CALCRL: variants seen among roughly 807,000 people sequenced by gnomAD.
CALCRL encodes calcitonin receptor like receptor.
Under a neutral mutation model 60.4 loss-of-function variants are expected in CALCRL, and 27 were observed. The observed-to-expected ratio is 0.45, with a 90% CI of 0.33 to 0.62. The LOEUF (loss-of-function observed/expected upper bound fraction) is 0.62, where lower values mean the gene tolerates loss of function less well. Ranked by LOEUF, CALCRL falls within the 20% of genes least tolerant of loss-of-function variation. CALCRL has a pLI of 0.03. For missense variants in CALCRL, 424 were observed against 540.7 expected, an observed-to-expected ratio of 0.78 and a Z score of 2.14; for synonymous variants, 190 against 182.6, an observed-to-expected ratio of 1.04 and a Z score of -0.33.
intron 8 of CALCRL, among the ~76,000 whole-genome samples, chr2:187,373,844 T>G (rs1687633357): frequency 6.6e-6 from 1 of 152,172 alleles, no homozygotes; most frequent in Admixed American, 6.5e-5. Context: ...AAGTGGAATT[T>G]GAGACCAATA....
intron 14 of CALCRL, among the ~76,000 whole-genome samples, chr2:187,346,784 GA>G (rs1686294825): frequency 1.3e-5 from 2 of 151,684 alleles, no homozygotes; most frequent in Non-Finnish European, 2.9e-5. Flanking sequence ...GACAATTCGT[GA>G]CAGGATAAGC....
intron 14 of CALCRL, among the ~76,000 whole-genome samples, chr2:187,346,727 G>A (rs1296756738): frequency 1.3e-5 from 2 of 151,784 alleles, no homozygotes; most frequent in African/African-American, 4.8e-5. Flanking sequence ...AAGATTTCAT[G>A]TGCAACATTG....
chr2:187,387,214 C>A (rs1688243388), intron 3 of CALCRL, 115 bp downstream of exon 3: 1 of 152,096 alleles, frequency 6.6e-6, no homozygotes, highest in African/African-American at 2.4e-5. Flanking sequence ...ATTATAAAAA[C>A]CTTTTTACGT....
At chr2:187,415,268 C>A (rs1453475061) in intron 1 of CALCRL, among the ~76,000 whole-genome samples, 1 of 152,130 alleles carries the variant, frequency 6.6e-6, no homozygotes, top group Non-Finnish European at 1.5e-5. Flanking sequence ...TGCTTATATG[C>A]CTGCTTTTGA....
intron 1 of CALCRL, among the ~76,000 whole-genome samples, chr2:187,418,576 G>C (rs1326245210): frequency 6.6e-6 from 1 of 152,034 alleles, no homozygotes; most frequent in Non-Finnish European, 1.5e-5. Context: ...ATAGGTCAAG[G>C]TTTATTCATT....
chr2:187,410,910 G>A (rs1175207702), intron 1 of CALCRL, among the ~76,000 whole-genome samples: 6 of 151,958 alleles, frequency 3.9e-5, no homozygotes, highest in African/African-American at 1.2e-4. Flanking sequence ...GGAGAGGTAG[G>A]TGGGGCCACA....
intron 1 of CALCRL, among the ~76,000 whole-genome samples, chr2:187,430,563 A>T (rs1690356732): frequency 6.6e-6 from 1 of 152,202 alleles, no homozygotes; most frequent in African/African-American, 2.4e-5. Context: ...AACATAAATA[A>T]CAAGACAAAC....
chr2:187,382,299 CA>C (rs1272581948), intron 5 of CALCRL, among the ~76,000 whole-genome samples: 4 of 152,042 alleles, frequency 2.6e-5, no homozygotes, highest in Non-Finnish European at 4.4e-5. Flanking sequence ...TTTAAAATTA[CA>C]AAGTACATTA....
Position 187,366,219 on chromosome 2 carries a change from C to T in CALCRL, c.501-2717G>A, listed in dbSNP as rs547034592. Among the ~76,000 whole-genome samples the T allele has an allele frequency of 2.4e-4, 31 of 131,760 alleles. No individual in the cohort carries two copies. In the South Asian group the frequency reaches 5.7e-3, roughly 24 times the overall value. 86.4% of individuals were successfully genotyped at this position (131,760 alleles called of 152,430 possible). On this transcript the variant is annotated intron_variant, in intron 8 of 14. Coordinates refer to ENST00000392370, the MANE Select transcript of CALCRL (RefSeq NM_005795.6). Reference sequence around the variant, plus strand: ...GATTGCGCCACTGCAGTCCGCAGTCCGGCCTGGGCGACAGAGCGAGACTCC... The same window carrying T: ...GATTGCGCCACTGCAGTCCGCAGTCTGGCCTGGGCGACAGAGCGAGACTCC...
Position 187,408,888 on chromosome 2 carries a change from C to T in CALCRL, c.-292-21132G>A, listed in dbSNP as rs548332443. On this transcript the variant is annotated intron_variant, in intron 1 of 14. Coordinates refer to ENST00000392370, the MANE Select transcript of CALCRL (RefSeq NM_005795.6). The stretch of plus-strand genomic sequence containing the variant: ...TCCTTTTCTCTGTGCTTTCTATAGT[C>T]ACATTGTGCTGTATAATATTTTATA... Among the ~76,000 whole-genome samples, 11 of 152,004 alleles carry T rather than the reference C, an allele frequency of 7.2e-5. No homozygotes were observed. In the South Asian group the frequency reaches 2.1e-3, roughly 29 times the overall value.
chr2:187,434,894 A>C (rs957308963), intron 1 of CALCRL, among the ~76,000 whole-genome samples: 2 of 152,174 alleles, frequency 1.3e-5, no homozygotes, highest in Non-Finnish European at 2.9e-5. Context: ...AGTAAAAATA[A>C]AAGCAGAAAA....
intron 1 of CALCRL, among the ~76,000 whole-genome samples, chr2:187,427,342 G>A (rs1304446507): frequency 6.6e-6 from 1 of 152,078 alleles, no homozygotes; most frequent in African/African-American, 2.4e-5. Context: ...AGGGAAAAGT[G>A]TAACACAAAG....
At chr2:187,390,710 CCCT>C (rs1054082666) in intron 1 of CALCRL, among the ~76,000 whole-genome samples, 2 of 152,086 alleles carry the variant, frequency 1.3e-5, no homozygotes, top group African/African-American at 4.8e-5. Flanking sequence ...TTACCCTATT[CCCT>C]AATGATCTGA....
At chr2:187,416,985 G>A (rs1210480496) in intron 1 of CALCRL, among the ~76,000 whole-genome samples, 1 of 151,982 alleles carries the variant, frequency 6.6e-6, no homozygotes, top group Non-Finnish European at 1.5e-5. Context: ...GAGTAACCCT[G>A]ACTATATATT....
Position 187,344,619 on chromosome 2 carries a change from T to C in CALCRL, c.*1565A>G, listed in dbSNP as rs1368571157. On this transcript the variant is annotated 3_prime_UTR_variant, in exon 15 of 15. Coordinates refer to ENST00000392370, the MANE Select transcript of CALCRL (RefSeq NM_005795.6). ...TTTATTTAATAAAGTCTGACAATAA[T>C]TCAGTAAGATCTGACAATAATTTTT... is the stretch of plus-strand genomic sequence containing the variant. 6.6e-6 allele frequency: 1 copy of C among 151,678 alleles called. No homozygotes were observed. Among genetic ancestry groups the C allele is most frequent in the African/African-American group, 2.4e-5 (1 of 41,414 alleles). 9.4% of individuals were successfully genotyped at this position (151,678 alleles called of 1,614,324 possible).
At chr2:187,414,759 A>T (rs934218610) in intron 1 of CALCRL, among the ~76,000 whole-genome samples, 1 of 152,132 alleles carries the variant, frequency 6.6e-6, no homozygotes, top group African/African-American at 2.4e-5. Context: ...TATTAATGTG[A>T]AACTGGACTA....
At chr2:187,373,080 T>G (rs1002210804) in intron 8 of CALCRL, among the ~76,000 whole-genome samples, 11 of 152,128 alleles carry the variant, frequency 7.2e-5, no homozygotes, top group Admixed American at 7.2e-4. Context: ...AAATAAGGCA[T>G]GGGCAAGTCT....
intron 8 of CALCRL, among the ~76,000 whole-genome samples, chr2:187,371,031 A>T (rs1362410672): frequency 2.0e-5 from 3 of 152,130 alleles, no homozygotes; most frequent in Non-Finnish European, 4.4e-5. Flanking sequence ...TCACGAATTC[A>T]GGAGATCAAG....
rs1689032853 is a variant in CALCRL, at chr2:187,404,530, C to T, written c.-292-16774G>A. Among the ~76,000 whole-genome samples, 3 of 149,548 alleles carry T rather than the reference C, an allele frequency of 2.0e-5. No homozygotes were observed. The South Asian group carries it at 6.3e-4, about 32-fold the overall frequency. On this transcript the variant is annotated intron_variant, in intron 1 of 14. Transcript: ENST00000392370. ...TTTTTTTTTTTTGTAGAAAACACAA[C>T]CATAACATCCTGGGGTCTATCTTGG...
Sources: gnomAD v4.1 joint callset for allele counts (sites outside exome capture counted in the v4.1 genomes callset) on GRCh38, gnomAD v4.1.1 for gene constraint, MANE v1.5 for transcripts, NCBI Gene and HGNC (gene_info 2026-07-23, HGNC 2026-07-21) for gene names.